Variants in COLEC12 observed in about 807,000 individuals in gnomAD.
COLEC12 encodes the protein collectin-12.
In COLEC12, 33 loss-of-function variants were observed where a neutral mutation model predicts 71.1. The observed-to-expected ratio is 0.46, with a 90% CI of 0.35 to 0.62. The LOEUF (loss-of-function observed/expected upper bound fraction) is 0.62, where lower values mean the gene tolerates loss of function less well. Among genes scored for constraint, COLEC12 ranks in the 20% least tolerant of loss-of-function variants. COLEC12 has a pLI of 0.00. For missense variants in COLEC12, 765 were observed against 916.1 expected, an observed-to-expected ratio of 0.84 and a Z score of 2.13; for synonymous variants, 350 against 353.0, an observed-to-expected ratio of 0.99 and a Z score of 0.10.
intron 2 of COLEC12, among the ~76,000 whole-genome samples, chr18:461,343 C>T (rs1916979582): frequency 1.3e-5 from 2 of 152,128 alleles, no homozygotes; most frequent in Non-Finnish European, 2.9e-5. Flanking sequence ...ATATAATCAA[C>T]ACAAAATTAT....
At chr18:328,551 T>C (rs529191155) in intron 8 of COLEC12, among the ~76,000 whole-genome samples, 76 of 152,360 alleles carry the variant, frequency 5.0e-4, no homozygotes, top group African/African-American at 1.7e-3. Flanking sequence ...ATTATGATGA[T>C]AATAGCAATA....
intron 2 of COLEC12, among the ~76,000 whole-genome samples, chr18:425,621 G>A (rs1916185452): frequency 6.6e-6 from 1 of 152,190 alleles, no homozygotes; most frequent in Non-Finnish European, 1.5e-5. Flanking sequence ...AGTCCTTACA[G>A]GTTTAATTAA....
intron 2 of COLEC12, among the ~76,000 whole-genome samples, chr18:383,817 G>C (rs962327606): frequency 6.6e-6 from 1 of 152,152 alleles, no homozygotes; most frequent in African/African-American, 2.4e-5. Context: ...AAGGAAAGAG[G>C]TATAATTGAC....
At chr18:368,646 T>C (rs1274283) in intron 2 of COLEC12, among the ~76,000 whole-genome samples, 71,338 of 151,582 alleles carry the variant, frequency 0.47, 17,090 homozygotes, top group Non-Finnish European at 0.52. Context: ...GGGCGGATCA[T>C]GAGGTCAGGA....
rs1345918625 is a variant in COLEC12 at position 500,260 on chromosome 18, C to G, written c.7+248G>C. ...ACGACTTAGGGCTTCAAACTACTTG[C>G]AAAGACGCGATGGGGAGGGGAATAC... On this transcript the variant is annotated intron_variant, in intron 1 of 9. Coordinates refer to ENST00000400256, the MANE Select transcript of COLEC12 (RefSeq NM_130386.3). The surrounding 1 kb of genome is among the most constrained non-coding windows in gnomAD (Gnocchi z 5.3). 6.6e-6 allele frequency among the ~76,000 whole-genome samples: 1 copy of G among 152,198 alleles called. No individual in the cohort carries two copies. Among genetic ancestry groups the G allele is most frequent in the Non-Finnish European group, 1.5e-5 (1 of 68,032 alleles).
intron 1 of COLEC12, among the ~76,000 whole-genome samples, chr18:494,235 A>G (rs1917669872): frequency 6.6e-6 from 1 of 152,184 alleles, no homozygotes; most frequent in Non-Finnish European, 1.5e-5. Flanking sequence ...CACATTTGCA[A>G]TTTGAAAATT....
intron 2 of COLEC12, among the ~76,000 whole-genome samples, chr18:436,943 G>GTAGCACAAT (rs1464847339): frequency 2.6e-5 from 4 of 152,186 alleles, no homozygotes; most frequent in Non-Finnish European, 5.9e-5. Context: ...AAAACGATGA[G>GTAGCACAAT]TAGCACAATA....
rs139557956 is a variant in COLEC12 at position 499,932 on chromosome 18, T to G, written c.7+576A>C. Among the ~76,000 whole-genome samples, 1,028 of 152,300 alleles carry G rather than the reference T, an allele frequency of 6.7e-3. 13 individuals are homozygous for G. The highest frequency in any genetic ancestry group is 0.024 in the African/African-American group (983 of 41,564). On this transcript the variant is annotated intron_variant, in intron 1 of 9. Coordinates refer to ENST00000400256, the MANE Select transcript of COLEC12 (RefSeq NM_130386.3). The stretch of plus-strand genomic sequence containing the variant: ...GGAACCGAGGGCAACTATTTTCCAG[T>G]CGGTGAATCTGATGGAGAAAGATGC...
At chr18:450,299 T>TA (rs1489222387) in intron 2 of COLEC12, among the ~76,000 whole-genome samples, 2 of 152,202 alleles carry the variant, frequency 1.3e-5, no homozygotes, top group Admixed American at 1.3e-4. Context: ...TGTCGATTTG[T>TA]AATCCCCAAT....
rs1199727419 is a variant in COLEC12 at position 399,610 on chromosome 18, C to T, written c.59-42088G>A. ...TCATCTGAAGCTTTTGTCTAAGTCT[C>T]CCTGGCAGGTTATTTGCTTGAGTTT... On this transcript the variant is annotated intron_variant, in intron 2 of 9. Coordinates refer to ENST00000400256, the MANE Select transcript of COLEC12 (RefSeq NM_130386.3). This position sits in a 1 kb window ranked among gnomAD's most constrained non-coding sequence, Gnocchi z 4.0. Among the ~76,000 whole-genome samples, 2 of 152,186 alleles carry T rather than the reference C, an allele frequency of 1.3e-5. No individual in the cohort carries two copies. The highest frequency in any genetic ancestry group is 1.3e-4 in the Admixed American group (2 of 15,274).
intron 5 of COLEC12, among the ~76,000 whole-genome samples, chr18:338,936 T>C (rs56312846): frequency 0.11 from 16,222 of 151,934 alleles, 1,058 homozygotes; most frequent in South Asian, 0.17. Flanking sequence ...GATGGCATAT[T>C]GGGAAATTCA....
intron 7 of COLEC12, among the ~76,000 whole-genome samples, chr18:332,196 T>C (rs1214861099): frequency 6.6e-6 from 1 of 152,234 alleles, no homozygotes; most frequent in Non-Finnish European, 1.5e-5. Flanking sequence ...AACAACCCAC[T>C]GAACAAACAT....
At chr18:422,198 C>T (rs190563167) in intron 2 of COLEC12, among the ~76,000 whole-genome samples, 53 of 152,298 alleles carry the variant, frequency 3.5e-4, no homozygotes, top group Non-Finnish European at 1.6e-4. Context: ...ATGATTAGGA[C>T]TACGTAATTT....
At chr18:361,267 T>C (rs1248858681) in intron 2 of COLEC12, among the ~76,000 whole-genome samples, 1 of 152,168 alleles carries the variant, frequency 6.6e-6, no homozygotes, top group East Asian at 1.9e-4. Context: ...CTCTATACAA[T>C]GTTGCAGTCA....
At position 328,427 on chromosome 18, in the gene COLEC12, C is replaced by A. The variant is rs1053180280; in HGVS notation, c.2063+3241G>T. Among the ~76,000 whole-genome samples, 5 of 152,326 alleles carry A rather than the reference C, an allele frequency of 3.3e-5. No homozygotes were observed. The East Asian group carries it at 9.6e-4, about 29-fold the overall frequency. ...GAGAACGTTTTTCTTGTCTTCTTCA[C>A]ACACCTGTTGTGGGACTTGAGTGAG... On this transcript the variant is annotated intron_variant, in intron 8 of 9. Transcript: ENST00000400256.
At chr18:361,496 C>A (rs1269566973) in intron 2 of COLEC12, among the ~76,000 whole-genome samples, 1 of 151,988 alleles carries the variant, frequency 6.6e-6, no homozygotes, top group Non-Finnish European at 1.5e-5. Flanking sequence ...AGGAAAAAAA[C>A]AAAACAACAA....
At chr18:436,335 AC>A (rs974916106) in intron 2 of COLEC12, among the ~76,000 whole-genome samples, 12 of 152,038 alleles carry the variant, frequency 7.9e-5, no homozygotes, top group African/African-American at 2.9e-4. Flanking sequence ...ACATGGTGAA[AC>A]CCCGTCTCTA....
Position 348,085 on chromosome 18 carries a change from T to C in COLEC12, c.260A>G (p.Glu87Gly). The C allele has an allele frequency of 6.2e-7, 1 of 1,613,362 alleles. No individual in the cohort carries two copies. Among genetic ancestry groups the C allele is most frequent in the Non-Finnish European group, 8.5e-7 (1 of 1,179,472 alleles). ...ATTACCTAATTTTTTCAGGTCACTT[T>C]CCACTGCTGTGAGCTTGTCATCATA... ...QTYDDKLTAVESDLKKLGDQT... is the reference protein window; with the variant it reads ...QTYDDKLTAVGSDLKKLGDQT... The change falls in exon 4 of 10, where the codon GAA becomes GGA. Residue 87 changes from glutamate to glycine, a missense_variant. Coordinates refer to ENST00000400256, the MANE Select transcript of COLEC12 (RefSeq NM_130386.3).
At chr18:473,286 G>A (rs1381920168) in intron 2 of COLEC12, among the ~76,000 whole-genome samples, 8 of 152,162 alleles carry the variant, frequency 5.3e-5, no homozygotes, top group South Asian at 2.1e-4. Context: ...GCAGAGGATC[G>A]TAGTTTTTTC....
Sources: allele counts gnomAD v4.1 joint callset (sites outside exome capture counted in the v4.1 genomes callset), GRCh38; gene constraint gnomAD v4.1.1; non-coding constraint Gnocchi (gnomAD v3.1); transcripts MANE v1.5; gene names NCBI Gene and HGNC (gene_info 2026-07-23, HGNC 2026-07-21).